Variants in PCDHA4 observed in about 807,000 individuals in gnomAD.
PCDHA4 encodes protocadherin alpha 4, also known as protocadherin alpha-4.
Under a neutral mutation model 61.4 loss-of-function variants are expected in PCDHA4, and 49 were observed. The observed-to-expected ratio is 0.80, with a 90% confidence interval of 0.63 to 1.01. PCDHA4 has a LOEUF of 1.01. Ranked by LOEUF, PCDHA4 falls within the 50% of genes least tolerant of loss-of-function variation. PCDHA4 has a pLI of 0.00. For missense variants in PCDHA4, 1,254 were observed against 1,235.8 expected (o/e 1.01, Z -0.22); for synonymous variants, 590 against 550.3 (o/e 1.07, Z -1.01).
At chr5:140,856,971 A>C (rs782790207) in intron 1 of PCDHA4, 1 of 1,594,450 alleles carries the variant, frequency 6.3e-7, no homozygotes, top group East Asian at 2.2e-5. Flanking sequence ...GATGCTATTG[A>C]CTTTGAGGAC....
chr5:140,922,337 T>C lies in PCDHA4; in HGVS notation c.2386-56612T>C, dbSNP rs150639608. On this transcript the variant is annotated intron_variant, in intron 1 of 3. Transcript: ENST00000530339. ...GAAGATCTTGGAAAGGGTTGGTATA[T>C]TGGTATTTTCTAGAGTAGTGATTCT... Among the ~76,000 whole-genome samples the C allele has an allele frequency of 3.4e-3, 512 of 152,346 alleles. 3 individuals carry two copies. The highest frequency in any genetic ancestry group is 0.012 in the African/African-American group (489 of 41,580).
intron 1 of PCDHA4, among the ~76,000 whole-genome samples, chr5:140,965,210 T>C (rs1554227481): frequency 6.6e-6 from 1 of 152,214 alleles, no homozygotes; most frequent in Non-Finnish European, 1.5e-5. Context: ...TTCAAATTCC[T>C]GTGGAAGAAA....
chr5:140,857,185 A>T (rs782245615), intron 1 of PCDHA4: 1 of 1,598,506 alleles, frequency 6.3e-7, no homozygotes, highest in South Asian at 1.1e-5. Flanking sequence ...ATGATTCAGG[A>T]GCCAACGGAC....
chr5:140,934,941 T>C (rs1397192075), intron 1 of PCDHA4, among the ~76,000 whole-genome samples: 4 of 152,172 alleles, frequency 2.6e-5, no homozygotes, highest in African/African-American at 9.6e-5. Context: ...AAAACTAGTA[T>C]AGAGAGATCC....
chr5:140,882,770 T>C (rs781904504), intron 1 of PCDHA4: 4 of 1,614,144 alleles, frequency 2.5e-6, no homozygotes, highest in Non-Finnish European at 3.4e-6. Flanking sequence ...AAACTCGGCA[T>C]TGACCTACCG....
At chr5:140,855,306 T>C (rs2043421281) in intron 1 of PCDHA4, among the ~76,000 whole-genome samples, 1 of 149,750 alleles carries the variant, frequency 6.7e-6, no homozygotes, top group Admixed American at 6.7e-5. Context: ...AGTTATAAAA[T>C]TGGAACATGA....
intron 1 of PCDHA4, chr5:140,866,754 G>A (rs540571091): frequency 1.1e-4 from 17 of 152,256 alleles, no homozygotes; most frequent in Non-Finnish European, 2.2e-4. Context: ...ATGACTAACA[G>A]GACATACAGG....
intron 1 of PCDHA4, chr5:140,843,675 T>A: frequency 6.3e-7 from 1 of 1,591,382 alleles, no homozygotes; most frequent in South Asian, 1.1e-5. Flanking sequence ...TCAGTTGATG[T>A]AGGCGAAGAG....
chr5:140,927,093 G>T (rs781998184), intron 1 of PCDHA4: 1 of 1,612,818 alleles, frequency 6.2e-7, no homozygotes, highest in Non-Finnish European at 8.5e-7. Flanking sequence ...TCTACTTCGG[G>T]GTGGATCTAC....
chr5:140,835,891 C>T lies in PCDHA4; in HGVS notation c.2385+26319C>T. The T allele has an allele frequency of 6.2e-7, 1 of 1,611,968 alleles. No homozygotes were observed. The highest frequency in any genetic ancestry group is 2.2e-5 in the East Asian group (1 of 44,826). ...GTGGAGCTGCGGGTGGGCGAGCGCG[C>T]GCTGTCGAGCTACGTGTCAGTGCAC... is the stretch of plus-strand genomic sequence containing the variant. On this transcript the variant is annotated intron_variant, in intron 1 of 3. Coordinates refer to ENST00000530339, the MANE Select transcript of PCDHA4 (RefSeq NM_018907.4).
chr5:140,969,863 C>G (rs1305470999), intron 1 of PCDHA4, among the ~76,000 whole-genome samples: 2 of 152,156 alleles, frequency 1.3e-5, no homozygotes, highest in Non-Finnish European at 2.9e-5. Context: ...CTGGTACTTG[C>G]ACTGAACCTA....
At chr5:140,996,755 C>T (rs1335663800) in intron 3 of PCDHA4, among the ~76,000 whole-genome samples, 2 of 152,142 alleles carry the variant, frequency 1.3e-5, no homozygotes, top group Non-Finnish European at 2.9e-5. Context: ...TATATCTGTG[C>T]AGGACTAAAA....
Position 141,009,778 on chromosome 5 carries a change from C to T in PCDHA4, c.2685C>T (p.Ser895=). Residue 895 remains serine, a synonymous_variant, in exon 4 of 4, where the codon TCC becomes TCT. Transcript: ENST00000530339. ...FIIPGSPAII[S]IRQEPTNSQI... ...TCCCAGGATCTCCTGCAATCATCTCCATCCGGCAGGAGCCTACTAACAGCC... is the reference window on the plus strand; with the variant it reads ...TCCCAGGATCTCCTGCAATCATCTCTATCCGGCAGGAGCCTACTAACAGCC... 1.2e-6 allele frequency: 2 copies of T among 1,614,122 alleles called. No homozygotes were observed.
At chr5:140,822,417 T>A (rs17844289) in intron 1 of PCDHA4, 15 of 1,614,062 alleles carry the variant, frequency 9.3e-6, no homozygotes, top group Non-Finnish European at 1.3e-5. Context: ...TGATTGCAAC[T>A]GATGGAGGAA....
intron 1 of PCDHA4, chr5:140,861,198 G>A: frequency 6.1e-6 from 1 of 162,948 alleles, no homozygotes; most frequent in Non-Finnish European, 1.3e-5. Context: ...ATGAAATATT[G>A]TTTTACTAAC....
intron 1 of PCDHA4, among the ~76,000 whole-genome samples, chr5:140,890,258 A>G (rs2062565845): frequency 6.6e-6 from 1 of 152,030 alleles, no homozygotes; most frequent in East Asian, 1.9e-4. Flanking sequence ...ACTGCACCTG[A>G]TTGCAAGCAA....
chr5:140,848,569 T>C lies in PCDHA4; in HGVS notation c.2385+38997T>C, dbSNP rs1382719331. On this transcript the variant is annotated intron_variant, in intron 1 of 3. Coordinates refer to ENST00000530339, the MANE Select transcript of PCDHA4 (RefSeq NM_018907.4). ...TCGCTTCTGATCCTCGCAATGTGGG[T>C]GGTGGGGAGCGGCCAGCTCCACTAC... 5.0e-6 allele frequency: 8 copies of C among 1,595,090 alleles called. 2 individuals carry two copies. The highest frequency in any genetic ancestry group is 6.9e-6 in the Non-Finnish European group (8 of 1,165,390).
At chr5:140,991,022 C>T (rs1324609159) in intron 3 of PCDHA4, among the ~76,000 whole-genome samples, 1 of 152,164 alleles carries the variant, frequency 6.6e-6, no homozygotes, top group Non-Finnish European at 1.5e-5. Flanking sequence ...AAGCACTTTA[C>T]ATATGTTGCA....
intron 1 of PCDHA4, among the ~76,000 whole-genome samples, chr5:140,826,648 C>G (rs1181948430): frequency 1.3e-5 from 2 of 152,006 alleles, no homozygotes; most frequent in African/African-American, 4.8e-5. Context: ...ATGAAGGTAA[C>G]ATTTTTGCAA....
Sources: gnomAD v4.1 joint callset for allele counts (sites outside exome capture counted in the v4.1 genomes callset) on GRCh38, gnomAD v4.1.1 for gene constraint, MANE v1.5 for transcripts, NCBI Gene and HGNC (gene_info 2026-07-23, HGNC 2026-07-21) for gene names.